CAD: variants seen among roughly 807,000 people sequenced by gnomAD.
CAD encodes the protein carbamoyl-phosphate synthetase 2, aspartate transcarbamylase, and dihydroorotase, also known as multifunctional protein CAD.
Under a neutral mutation model 237.2 loss-of-function variants are expected in CAD, and 81 were observed. That is an observed-to-expected ratio of 0.34 (90% CI 0.29 to 0.41). The LOEUF is 0.41. Ranked by LOEUF, CAD falls within the 10% of genes least tolerant of loss-of-function variation. CAD has a pLI of 1.00. For synonymous variants in CAD, 1,196 were observed against 1,162.8 expected (o/e 1.03, Z -0.58); for missense variants, 2,181 against 2,951.7 (o/e 0.74, Z 6.05).
chr2:27,238,509 C>T lies in CAD; in HGVS notation c.4939C>T (p.His1647Tyr), dbSNP rs1676135086. 3.7e-6 allele frequency: 6 copies of T among 1,613,410 alleles called. No individual in the cohort carries two copies. The highest frequency in any genetic ancestry group is 5.1e-6 in the Non-Finnish European group (6 of 1,179,684). The change falls in exon 31 of 44, where the codon CAT (histidine) becomes TAT (tyrosine). Residue 1647 changes from histidine to tyrosine, a missense_variant. Physicochemically the swap from His to Tyr is moderately conservative, Grantham distance 83. Coordinates refer to ENST00000264705, the MANE Select transcript of CAD (RefSeq NM_004341.5). ...GGCTCCCCACCACCTGTTCCTAAGC[C>T]ATGATGACCTGGAGCGCCTGGGGCC... ...EVAPHHLFLSHDDLERLGPGK... is the reference protein window; with the variant it reads ...EVAPHHLFLSYDDLERLGPGK...
intron 6 of CAD, 100 bp from the exon 7 acceptor site, chr2:27,223,463 G>A (rs1421340758): frequency 2.9e-6 from 3 of 1,026,596 alleles, no homozygotes; most frequent in Admixed American, 4.6e-5. Context: ...GGAAACAGGA[G>A]TGAGGCTACT....
chr2:27,231,303 G>A (rs568466117), intron 15 of CAD, among the ~76,000 whole-genome samples, 165 bp from the exon 16 acceptor site: 1 of 152,338 alleles, frequency 6.6e-6, no homozygotes, highest in South Asian at 2.1e-4. Context: ...ACTGCGCCCG[G>A]CCATTAAGAT....
In CAD at chr2:27,240,549, CT is replaced by C; in HGVS notation, c.5593+194del. 6.5e-7 allele frequency: 1 copy of C among 1,548,232 alleles called. No individual in the cohort carries two copies. The highest frequency in any genetic ancestry group is 2.5e-5 in the East Asian group (1 of 40,810). On this transcript the variant is annotated intron_variant, in intron 35 of 43. Transcript: ENST00000264705. The surrounding 1 kb of genome is among the most constrained non-coding windows in gnomAD (Gnocchi z 4.6). ...GACATCTCACAGCTTCTCACATGCC[CT>C]TTTTTGTTGTGGGCAGCTGTGTTCC...
rs376818898 is a variant in CAD, at chr2:27,239,475, C to T, written c.5394+4C>T. ...GGTTGCCTATATCGATGGGCAGGTACGCAAGTAGCCCCTGCCTGATCTCAG... is the reference window on the plus strand; with the variant it reads ...GGTTGCCTATATCGATGGGCAGGTATGCAAGTAGCCCCTGCCTGATCTCAG... On this transcript the variant is annotated splice_donor_region_variant and intron_variant, in intron 33 of 43. Coordinates refer to ENST00000264705, the MANE Select transcript of CAD (RefSeq NM_004341.5). This position sits in a 1 kb window ranked among gnomAD's most constrained non-coding sequence, Gnocchi z 4.0. 1.2e-5 allele frequency: 19 copies of T among 1,612,726 alleles called. No individual in the cohort carries two copies. Among genetic ancestry groups the T allele is most frequent in the Non-Finnish European group, 1.4e-5 (17 of 1,179,378 alleles).
Position 27,240,487 on chromosome 2 carries a change from C to A in CAD, c.5593+126C>A. ...CTTTATCCTCGTCTGATCTGCCGTGCCATCCTTTGCCTAAACAAGTCTCCC... is the reference window on the plus strand; with the variant it reads ...CTTTATCCTCGTCTGATCTGCCGTGACATCCTTTGCCTAAACAAGTCTCCC... On this transcript the variant is annotated intron_variant, in intron 35 of 43. Transcript: ENST00000264705. This position sits in a 1 kb window ranked among gnomAD's most constrained non-coding sequence, Gnocchi z 4.6. The A allele has an allele frequency of 6.7e-7, 1 of 1,487,818 alleles. No individual in the cohort carries two copies. Among genetic ancestry groups the A allele is most frequent in the Non-Finnish European group, 9.2e-7 (1 of 1,082,220 alleles). 92.2% of individuals were successfully genotyped at this position (1,487,818 alleles called of 1,614,324 possible).
At chr2:27,228,922 C>CTTTTTTTTTTTTTTTTTTT (rs1183635798) in intron 15 of CAD, among the ~76,000 whole-genome samples, 2 of 105,950 alleles carry the variant, frequency 1.9e-5, no homozygotes, top group African/African-American at 3.5e-5. Flanking sequence ...TTTTTTTTTT[C>CTTTTTTTTTTTTTTTTTTT]TTTTTTTTTT....
At chr2:27,231,625 G>C in intron 16 of CAD, 45 bp downstream of exon 16, 1 of 1,136,256 alleles carries the variant, frequency 8.8e-7, no homozygotes, top group South Asian at 1.3e-5. Context: ...AATAGACCCT[G>C]CTTCTCATCG....
At chr2:27,224,307 T>C in intron 8 of CAD, 38 bp from the exon 9 acceptor site, 1 of 1,612,320 alleles carries the variant, frequency 6.2e-7, no homozygotes, top group Non-Finnish European at 8.5e-7. Flanking sequence ...TGGGTCCAGC[T>C]CAGCTCTAAC....
rs757124297 is a variant in CAD, at chr2:27,224,503, C to G, written c.1254+13C>G. ...CTCGGGCTCTCAGGTGAGGCATGTT[C>G]CTCCCCACCCTTCTGGGCGTGTGAC... On this transcript the variant is annotated intron_variant, in intron 9 of 43. Coordinates refer to ENST00000264705, the MANE Select transcript of CAD (RefSeq NM_004341.5). The G allele has an allele frequency of 1.3e-5, 21 of 1,612,508 alleles. No homozygotes were observed. The highest frequency in any genetic ancestry group is 1.8e-5 in the Non-Finnish European group (21 of 1,179,020).
At chr2:27,229,193 C>T (rs1558534178) in intron 15 of CAD, among the ~76,000 whole-genome samples, 1 of 152,064 alleles carries the variant, frequency 6.6e-6, no homozygotes. Flanking sequence ...GCTGGGATTA[C>T]AGGCATGAGT....
chr2:27,231,725 T>A, intron 16 of CAD, 145 bp downstream of exon 16: 1 of 671,898 alleles, frequency 1.5e-6, no homozygotes, highest in Middle Eastern at 4.0e-4. Flanking sequence ...AATTTTGAGA[T>A]GTCTCATTAG....
At chr2:27,234,991 AG>A (rs1234962544) in intron 23 of CAD, among the ~76,000 whole-genome samples, 3 of 152,186 alleles carry the variant, frequency 2.0e-5, no homozygotes, top group East Asian at 3.9e-4. Context: ...TGATCTGGGA[AG>A]GCTTGAGCGA....
At chr2:27,238,386 G>A in intron 30 of CAD, 45 bp from the exon 31 acceptor site, 1 of 1,518,988 alleles carries the variant, frequency 6.6e-7, no homozygotes, top group Non-Finnish European at 8.9e-7. Flanking sequence ...TGTAGGGCAA[G>A]GCATATGGGT....
chr2:27,233,021 C>G lies in CAD; in HGVS notation c.2893-21C>G. 6.6e-7 allele frequency: 1 copy of G among 1,509,704 alleles called. No individual in the cohort carries two copies. The highest frequency in any genetic ancestry group is 9.2e-7 in the Non-Finnish European group (1 of 1,084,730). The allele number at this position is 1,509,704 out of a possible 1,614,324, so 93.5% of individuals were successfully genotyped here. On this transcript the variant is annotated intron_variant, in intron 18 of 43. Transcript: ENST00000264705. This position sits in a 1 kb window ranked among gnomAD's most constrained non-coding sequence, Gnocchi z 6.3. ...TTTCCTCCCACCTGACTGCTAAGTA[C>G]CCTTCCCCTCCCTCTTGCAGATGGG...
At chr2:27,231,429 C>T (rs1675751244) in intron 15 of CAD, 39 bp from the exon 16 acceptor site, 1 of 1,202,008 alleles carries the variant, frequency 8.3e-7, no homozygotes, top group Non-Finnish European at 1.2e-6. Context: ...CCACCCCTTC[C>T]ACCTCCACAC....
intron 15 of CAD, among the ~76,000 whole-genome samples, chr2:27,230,588 T>C (rs886642848): frequency 1.3e-5 from 2 of 151,974 alleles, no homozygotes; most frequent in African/African-American, 4.8e-5. Flanking sequence ...ACCGTGCCAT[T>C]GCATTCCAGC....
rs1281602291 is a variant in CAD, at chr2:27,225,227, C to G, written c.1604C>G (p.Ala535Gly). The G allele has an allele frequency of 1.9e-6, 3 of 1,610,304 alleles. No individual in the cohort carries two copies. The highest frequency in any genetic ancestry group is 1.3e-5 in the African/African-American group (1 of 74,214). Residue 535 changes from alanine (A) to glycine (G), a missense_variant, in exon 11 of 44, where the codon GCA (alanine) becomes GGA (glycine). By Grantham distance (60) the Ala-to-Gly change is moderately conservative. Transcript: ENST00000264705. ...GAGCATGTGGCCCCGAGCGAGGCAG[C>G]AAATTCTCTTGAACAGGTTGGAGGG... ...IGEHVAPSEAANSLEQAQAAA... is the reference protein window; with the variant it reads ...IGEHVAPSEAGNSLEQAQAAA...
Position 27,242,545 on chromosome 2 carries a change from G to A in CAD, c.6223-75G>A. On this transcript the variant is annotated intron_variant, in intron 40 of 43. Transcript: ENST00000264705. This position sits in a 1 kb window ranked among gnomAD's most constrained non-coding sequence, Gnocchi z 6.4. ...AGGAGGCCTTCATTCTGCTCCAGAG[G>A]CTTTTAAAAGCTTGGAAATGATGTC... 6.4e-7 allele frequency: 1 copy of A among 1,555,074 alleles called. No individual in the cohort carries two copies. Among genetic ancestry groups the A allele is most frequent in the Admixed American group, 1.8e-5 (1 of 55,834 alleles).
rs114964219 is a variant in CAD at position 27,239,550 on chromosome 2, A to G, written c.5394+79A>G. On this transcript the variant is annotated intron_variant, in intron 33 of 43. Coordinates refer to ENST00000264705, the MANE Select transcript of CAD (RefSeq NM_004341.5). This position sits in a 1 kb window ranked among gnomAD's most constrained non-coding sequence, Gnocchi z 4.0. ...CATTTCTTCCCTTCCCAGCACATCT[A>G]CACTGTCCCACTATGTGCACCACTG... The G allele has an allele frequency of 1.0e-3, 1,581 of 1,562,500 alleles. 7 individuals are homozygous for G. In the African/African-American group the frequency reaches 0.019, roughly 19 times the overall value.
Sources: gnomAD v4.1 joint callset for allele counts (sites outside exome capture counted in the v4.1 genomes callset) on GRCh38, gnomAD v4.1.1 for gene constraint, Gnocchi (gnomAD v3.1) non-coding constraint, MANE v1.5 for transcripts, NCBI Gene and HGNC (gene_info 2026-07-23, HGNC 2026-07-21) for gene names.